ISM1: variants seen among roughly 807,000 people sequenced by gnomAD.
ISM1 encodes the protein isthmin 1.
A neutral mutation model predicts 46.3 loss-of-function variants in ISM1; 25 were observed. That is an observed-to-expected ratio of 0.54 (90% CI 0.39 to 0.75). ISM1 has a LOEUF of 0.75. Among genes scored for constraint, ISM1 ranks in the 30% least tolerant of loss-of-function variants. The pLI is 0.00. For synonymous variants in ISM1, 255 were observed against 256.7 expected (o/e 0.99, Z 0.06); for missense variants, 536 against 625.4 (o/e 0.86, Z 1.52).
chr20:13,225,751 A>G (rs1199362351), intron 1 of ISM1, among the ~76,000 whole-genome samples: 1 of 152,240 alleles, frequency 6.6e-6, no homozygotes, highest in African/African-American at 2.4e-5. Flanking sequence ...AAATGCATGG[A>G]AACATCAACT....
chr20:13,301,262 C>T (rs1416218992), downstream of ISM1, among the ~76,000 whole-genome samples: 1 of 152,166 alleles, frequency 6.6e-6, no homozygotes, highest in Non-Finnish European at 1.5e-5. Flanking sequence ...GATCTTGACT[C>T]ACCACAACTT....
rs151012238 is a variant in ISM1, at chr20:13,263,125, G to C, written c.139-7379G>C. Among the ~76,000 whole-genome samples the C allele has an allele frequency of 3.6e-3, 552 of 152,208 alleles. 1 individual carries two copies. The highest frequency in any genetic ancestry group is 0.012 in the African/African-American group (510 of 41,516). On this transcript the variant is annotated intron_variant, in intron 1 of 5. Coordinates refer to ENST00000262487, the MANE Select transcript of ISM1 (RefSeq NM_080826.2). The stretch of plus-strand genomic sequence containing the variant: ...CCTCTGCCAGCAATAGTTCCTAAAG[G>C]GGCATTGCACTGTCATGCTTGCTAT...
intron 3 of ISM1, among the ~76,000 whole-genome samples, chr20:13,283,792 G>A (rs1485354729): frequency 6.6e-6 from 1 of 152,124 alleles, no homozygotes; most frequent in Non-Finnish European, 1.5e-5. Context: ...TTGTTACTTG[G>A]GTTAGGACCC....
the ISM1 span, among the ~76,000 whole-genome samples, chr20:13,311,877 G>T: frequency 6.6e-6 from 1 of 152,172 alleles, no homozygotes; most frequent in Non-Finnish European, 1.5e-5. Flanking sequence ...TGTACAGCAT[G>T]ATGACTGTAG....
At chr20:13,249,112 T>A (rs1048594276) in intron 1 of ISM1, among the ~76,000 whole-genome samples, 1 of 152,174 alleles carries the variant, frequency 6.6e-6, no homozygotes, top group Non-Finnish European at 1.5e-5. Context: ...TTGGGTGGAA[T>A]TTTTTAGGAT....
At chr20:13,287,443 G>T (rs1342553998) in intron 3 of ISM1, among the ~76,000 whole-genome samples, 1 of 152,162 alleles carries the variant, frequency 6.6e-6, no homozygotes, top group Admixed American at 6.5e-5. Context: ...TTCAAGGTAA[G>T]ATGTGGGTGG....
At chr20:13,252,346 C>T (rs190681724) in intron 1 of ISM1, among the ~76,000 whole-genome samples, 48 of 152,292 alleles carry the variant, frequency 3.2e-4, no homozygotes, top group Admixed American at 9.2e-4. Context: ...TGAATCATTG[C>T]TTTAATCAGG....
At chr20:13,320,558 A>G in the ISM1 span, among the ~76,000 whole-genome samples, 1 of 152,238 alleles carries the variant, frequency 6.6e-6, no homozygotes, top group Non-Finnish European at 1.5e-5. Context: ...TGCTATGTCA[A>G]TTAGGATAAG....
chr20:13,298,997 C>A lies in ISM1; in HGVS notation c.933C>A (p.Tyr311Ter). ...MSCKSEFLKKYMHKVMNDLPS... is the reference protein window; with the variant it reads ...MSCKSEFLKK ...GCAAAAGCGAGTTCTTAAAGAAGTA[C>A]ATGCACAAGGTGATGAATGACCTGC... Residue 311 changes from tyrosine to a stop codon, truncating the protein, a stop_gained, in exon 6 of 6, where the codon TAC becomes TAA. Coordinates refer to ENST00000262487, the MANE Select transcript of ISM1 (RefSeq NM_080826.2). LOFTEE classifies it high-confidence loss of function. 1 of 1,613,612 alleles carries A rather than the reference C, an allele frequency of 6.2e-7. No individual in the cohort carries two copies. Among genetic ancestry groups the A allele is most frequent in the Non-Finnish European group, 8.5e-7 (1 of 1,179,778 alleles).
intron 3 of ISM1, 28 bp downstream of exon 3, chr20:13,279,926 T>C (rs1452364204): frequency 1.2e-6 from 2 of 1,603,328 alleles, no homozygotes; most frequent in South Asian, 1.1e-5. Flanking sequence ...TAATATAAAA[T>C]TGGTGGGAAG....
intron 3 of ISM1, among the ~76,000 whole-genome samples, chr20:13,285,235 G>A (rs550353650): frequency 7.8e-4 from 118 of 152,230 alleles, no homozygotes; most frequent in Admixed American, 2.7e-3. Context: ...GGGCTGCAAT[G>A]AGCCATGATG....
chr20:13,279,607 GA>G, intron 2 of ISM1, 26 bp from the exon 3 acceptor site: 1 of 1,598,794 alleles, frequency 6.3e-7, no homozygotes, highest in Non-Finnish European at 8.5e-7. Context: ...ACTCCACACT[GA>G]CCCCAGCCTG....
At chr20:13,245,713 T>C (rs990514939) in intron 1 of ISM1, among the ~76,000 whole-genome samples, 2 of 152,204 alleles carry the variant, frequency 1.3e-5, no homozygotes, top group African/African-American at 4.8e-5. Flanking sequence ...ATTTCTCTCC[T>C]TTCATGTCAA....
chr20:13,247,517 GGTGTGTGTGTGTGTGT>G lies in ISM1; in HGVS notation c.139-22960_139-22945del, dbSNP rs35224672. Among the ~76,000 whole-genome samples, 207 of 139,912 alleles carry G rather than the reference GGTGTGTGTGTGTGTGT, an allele frequency of 1.5e-3. No individual in the cohort carries two copies. In the South Asian group the frequency reaches 0.017, roughly 12 times the overall value. The allele number at this position is 139,912 out of a possible 152,430, so 91.8% of individuals were successfully genotyped here. ...CAGCATTTCTGGCAGCAAAGTGAGG[GGTGTGTGTGTGTGTGT>G]GTGTGTGTGTGTGTGTGTGTGTGTG... On this transcript the variant is annotated intron_variant, in intron 1 of 5. Coordinates refer to ENST00000262487, the MANE Select transcript of ISM1 (RefSeq NM_080826.2).
At chr20:13,322,099 A>T in the ISM1 span, among the ~76,000 whole-genome samples, 1 of 152,230 alleles carries the variant, frequency 6.6e-6, no homozygotes, top group Non-Finnish European at 1.5e-5. Context: ...TTAAAAGTAC[A>T]AGTACCGTTT....
intron 1 of ISM1, among the ~76,000 whole-genome samples, chr20:13,254,464 C>CT (rs1287361851): frequency 3.3e-5 from 5 of 152,150 alleles, no homozygotes; most frequent in African/African-American, 1.2e-4. Flanking sequence ...ACCTGCCCCC[C>CT]GCATCTCCTG....
At chr20:13,318,903 C>T in the ISM1 span, among the ~76,000 whole-genome samples, 1 of 152,178 alleles carries the variant, frequency 6.6e-6, no homozygotes, top group Admixed American at 6.5e-5. Context: ...GAGCACAGAA[C>T]ACTTTCAGGA....
At chr20:13,277,662 T>C (rs11696497) in intron 2 of ISM1, among the ~76,000 whole-genome samples, 9,599 of 151,828 alleles carry the variant, frequency 0.063, 386 homozygotes, top group Admixed American at 0.096. Flanking sequence ...TTTTTTACTT[T>C]TGGGATTACT....
chr20:13,240,630 G>A (rs2039709139), intron 1 of ISM1, among the ~76,000 whole-genome samples: 1 of 152,230 alleles, frequency 6.6e-6, no homozygotes, highest in Admixed American at 6.5e-5. Flanking sequence ...TAGGATTGGT[G>A]AGGAAGCAGC....
Sources: allele counts gnomAD v4.1 joint callset (sites outside exome capture counted in the v4.1 genomes callset), GRCh38; gene constraint gnomAD v4.1.1; transcripts MANE v1.5; gene names NCBI Gene and HGNC (gene_info 2026-07-23, HGNC 2026-07-21).